Variants in TSHZ2 observed in about 807,000 individuals in gnomAD.
The protein encoded by TSHZ2 is teashirt homolog 2.
TSHZ2 carries 21 observed loss-of-function variants against 74.4 expected under a neutral mutation model. The observed-to-expected ratio is 0.28, with a 90% CI of 0.20 to 0.41. The LOEUF is 0.41. Among genes scored for constraint, TSHZ2 ranks in the 10% least tolerant of loss-of-function variants. TSHZ2 has a pLI of 1.00. For synonymous variants in TSHZ2, 540 were observed against 515.3 expected (o/e 1.05, Z -0.65); for missense variants, 1,244 against 1,293.5 (o/e 0.96, Z 0.59).
At chr20:53,381,305 T>C (rs547100655) in intron 2 of TSHZ2, among the ~76,000 whole-genome samples, 1 of 152,314 alleles carries the variant, frequency 6.6e-6, no homozygotes, top group Non-Finnish European at 1.5e-5. Flanking sequence ...AGACCTCACA[T>C]ACGAAAGGTA....
At chr20:53,056,350 C>T (rs1984639202) in intron 1 of TSHZ2, among the ~76,000 whole-genome samples, 2 of 152,170 alleles carry the variant, frequency 1.3e-5, no homozygotes, top group South Asian at 2.1e-4. Flanking sequence ...TGCCTAAGTA[C>T]CAGACCCTTG....
intron 2 of TSHZ2, among the ~76,000 whole-genome samples, chr20:53,266,356 C>A (rs117727175): frequency 6.6e-6 from 1 of 152,178 alleles, no homozygotes; most frequent in Non-Finnish European, 1.5e-5. Flanking sequence ...CTCTGCCCCA[C>A]GCCCAGAAAT....
intron 2 of TSHZ2, among the ~76,000 whole-genome samples, chr20:53,314,095 C>CTT (rs1371931691): frequency 1.3e-4 from 19 of 151,990 alleles, no homozygotes; most frequent in African/African-American, 4.6e-4. Context: ...CAAAACCAGC[C>CTT]CGGCCAACAT....
intron 1 of TSHZ2, among the ~76,000 whole-genome samples, chr20:53,001,222 G>GTGTATGTGTGTGTGTGTGTGTGTA (rs1555813599): frequency 6.3e-4 from 93 of 147,376 alleles, no homozygotes; most frequent in African/African-American, 2.3e-3. Flanking sequence ...GTGTGTGTGT[G>GTGTATGTGTGTGTGTGTGTGTGTA]TGTGTGTGTG....
intron 2 of TSHZ2, among the ~76,000 whole-genome samples, chr20:53,276,363 G>A (rs1990946611): frequency 6.6e-6 from 1 of 152,086 alleles, no homozygotes; most frequent in South Asian, 2.1e-4. Flanking sequence ...CCAGGACAGT[G>A]TGTCTGCCAG....
chr20:53,367,125 G>A (rs1437793476), intron 2 of TSHZ2, among the ~76,000 whole-genome samples: 2 of 152,138 alleles, frequency 1.3e-5, no homozygotes, highest in Non-Finnish European at 2.9e-5. Context: ...GCCGGGCGTG[G>A]TGACTCATGC....
Position 53,383,264 on chromosome 20 carries a change from A to G in TSHZ2, c.*9-103880A>G, listed in dbSNP as rs577338427. On this transcript the variant is annotated intron_variant, in intron 2 of 2. Transcript: ENST00000371497. Reference sequence around the variant, plus strand: ...GGCAACAAAGAGAAACTCTGTCTCAAAAAAAAAAAGAAAAAAAGAAAAAGA... The same window carrying G: ...GGCAACAAAGAGAAACTCTGTCTCAGAAAAAAAAAGAAAAAAAGAAAAAGA... Among the ~76,000 whole-genome samples the G allele has an allele frequency of 2.8e-4, 26 of 93,108 alleles. No individual in the cohort carries two copies. The East Asian group carries it at 4.2e-3, about 15-fold the overall frequency. The allele number at this position is 93,108 out of a possible 152,430, so 61.1% of individuals were successfully genotyped here. A position where few individuals can be genotyped will look rare whatever the true frequency, so the allele number is the denominator to read the frequency against.
At chr20:53,049,146 C>G (rs150337898) in intron 1 of TSHZ2, among the ~76,000 whole-genome samples, 86 of 152,158 alleles carry the variant, frequency 5.7e-4, no homozygotes, top group African/African-American at 2.0e-3. Context: ...GAAAGGAAAG[C>G]TGGCTTGGAT....
At chr20:53,299,658 G>A (rs149440512) in intron 2 of TSHZ2, among the ~76,000 whole-genome samples, 54 of 152,304 alleles carry the variant, frequency 3.5e-4, no homozygotes, top group African/African-American at 1.2e-3. Flanking sequence ...CCACAGATAA[G>A]CAATTGGCCT....
At chr20:53,277,751 C>T (rs562836351) in intron 2 of TSHZ2, among the ~76,000 whole-genome samples, 1 of 152,300 alleles carries the variant, frequency 6.6e-6, no homozygotes, top group East Asian at 1.9e-4. Context: ...AAGCACATAC[C>T]CTTAAAGCAA....
chr20:53,433,402 G>A (rs533756762), intron 2 of TSHZ2, among the ~76,000 whole-genome samples: 34 of 147,710 alleles, frequency 2.3e-4, no homozygotes, highest in South Asian at 1.5e-3. Context: ...AATGGGTGTC[G>A]TAGCATGCAC....
chr20:53,377,710 A>T (rs904612707), intron 2 of TSHZ2, among the ~76,000 whole-genome samples: 1 of 152,102 alleles, frequency 6.6e-6, no homozygotes, highest in Non-Finnish European at 1.5e-5. Flanking sequence ...AAAAATACAA[A>T]AAATTAGCTG....
intron 1 of TSHZ2, among the ~76,000 whole-genome samples, chr20:53,106,184 T>A (rs1402421777): frequency 6.6e-6 from 1 of 152,024 alleles, no homozygotes; most frequent in Admixed American, 6.6e-5. Flanking sequence ...ACACCAGAAC[T>A]TTTTTCTCCT....
chr20:53,061,766 T>A (rs2123168119), intron 1 of TSHZ2, among the ~76,000 whole-genome samples: 1 of 152,328 alleles, frequency 6.6e-6, no homozygotes, highest in East Asian at 1.9e-4. Context: ...GATTTGGCAC[T>A]AGAAAGAGAC....
chr20:53,058,154 A>C (rs2123157005), intron 1 of TSHZ2, among the ~76,000 whole-genome samples: 1 of 152,302 alleles, frequency 6.6e-6, no homozygotes, highest in Non-Finnish European at 1.5e-5. Flanking sequence ...CAGATCTGAC[A>C]GGAGGCTCAG....
At chr20:53,240,717 T>C (rs540423206) in intron 1 of TSHZ2, among the ~76,000 whole-genome samples, 47 of 134,900 alleles carry the variant, frequency 3.5e-4, no homozygotes, top group Non-Finnish European at 6.6e-4. Flanking sequence ...AATAGATAGA[T>C]AGATGATAGA....
chr20:53,152,224 C>T (rs899839061), intron 1 of TSHZ2, among the ~76,000 whole-genome samples: 53 of 152,048 alleles, frequency 3.5e-4, no homozygotes, highest in African/African-American at 1.3e-3. Flanking sequence ...AGTAAAAAAG[C>T]ATTAAGGAGC....
intron 1 of TSHZ2, among the ~76,000 whole-genome samples, chr20:53,193,909 G>A (rs190027374): frequency 1.9e-4 from 29 of 152,278 alleles, no homozygotes; most frequent in South Asian, 6.2e-4. Flanking sequence ...CTAGCATTCC[G>A]CATAAAAGAC....
At chr20:53,461,456 A>T (rs1016269268) in intron 2 of TSHZ2, 1 of 153,390 alleles carries the variant, frequency 6.5e-6, no homozygotes, top group Non-Finnish European at 1.4e-5. Flanking sequence ...CCCTAGTGAG[A>T]TGAACCCAGT....
Sources: gnomAD v4.1 joint callset for allele counts (sites outside exome capture counted in the v4.1 genomes callset) on GRCh38, gnomAD v4.1.1 for gene constraint, MANE v1.5 for transcripts, NCBI Gene and HGNC (gene_info 2026-07-23, HGNC 2026-07-21) for gene names.